Variants in CGB1 observed in about 807,000 individuals in gnomAD.
CGB1 encodes the protein chorionic gonadotropin subunit beta 1, also known as choriogonadotropin subunit beta variant 1.
A neutral mutation model predicts 7.0 loss-of-function variants in CGB1; 4 were observed. The observed-to-expected ratio is 0.57, with a 90% confidence interval of 0.28 to 1.31. CGB1 has a LOEUF of 1.31. Ranked by LOEUF, CGB1 falls within the 50% of genes most tolerant of loss-of-function variation. The pLI, the probability that CGB1 is intolerant of heterozygous loss-of-function variation, is 0.10. For synonymous variants in CGB1, 72 were observed against 96.4 expected (o/e 0.75, Z 1.48); for missense variants, 139 against 219.1 (o/e 0.63, Z 2.31).
chr19:49,036,096 C>T (rs2039812867), intron 2 of CGB1, 40 bp downstream of exon 2: 6 of 1,604,544 alleles, frequency 3.7e-6, no homozygotes, highest in Admixed American at 1.7e-5. Context: ...TGGGTCTGGC[C>T]CTGAGGTGGC....
Position 49,035,602 on chromosome 19 carries a change from G to T in CGB1, c.*8C>A, listed in dbSNP as rs757610056. ...GAGAAGCCTTTATTGTGGGAGGATC[G>T]GGGTGTCCTAGGGCCCCGGGAGACG... On this transcript the variant is annotated 3_prime_UTR_variant, in exon 3 of 3. Coordinates refer to ENST00000301407, the MANE Select transcript of CGB1 (RefSeq NM_033377.2). The T allele has an allele frequency of 6.2e-7, 1 of 1,611,742 alleles. No individual in the cohort carries two copies. Among genetic ancestry groups the T allele is most frequent in the African/African-American group, 1.3e-5 (1 of 74,626 alleles).
Position 49,035,654 on chromosome 19 carries a change from G to A in CGB1, c.424C>T (p.Pro142Ser), listed in dbSNP as rs375388018. Residue 142 changes from proline (P) to serine (S), a missense_variant, in exon 3 of 3, where the codon CCT (proline) becomes TCT (serine). By Grantham distance (74) the Pro-to-Ser change is moderately conservative. This residue lies in a region of CGB1 where 44 missense variants were observed against 35.0 expected (regional missense o/e 1.26). Coordinates refer to ENST00000301407, the MANE Select transcript of CGB1 (RefSeq NM_033377.2). The part of the protein sequence containing the change: ...RFQDSSSSKA[P>S]PPSLPSPSRL... ...GATGGACTTGGAAGGCTGGGGGGAG[G>A]GGCCTTTGAGGAAGAGGAGTCCTGG... is the stretch of plus-strand genomic sequence containing the variant. The A allele has an allele frequency of 8.1e-6, 13 of 1,610,958 alleles. No individual in the cohort carries two copies. Among genetic ancestry groups the A allele is most frequent in the African/African-American group, 1.4e-5 (1 of 74,014 alleles).
intron 1 of CGB1, 70 bp downstream of exon 1, chr19:49,036,633 G>A: frequency 6.2e-7 from 1 of 1,613,976 alleles, no homozygotes; most frequent in Non-Finnish European, 8.5e-7. Context: ...GGTGGAAGGT[G>A]CCCAGGGGCC....
chr19:49,036,517 C>A (rs961469022), intron 1 of CGB1, 186 bp downstream of exon 1: 15 of 1,594,666 alleles, frequency 9.4e-6, no homozygotes, highest in African/African-American at 4.0e-5. Context: ...CCCTCAGGAA[C>A]TGACCCACCT....
rs536700356 is a variant in CGB1 at position 49,036,893 on chromosome 19, C to T, written c.-182G>A. ...CAGATGCAGTTCCCCTTCCTCCCTCCAGGGGGCGCCACGGAACGCAGGGCC... is the reference window on the plus strand; with the variant it reads ...CAGATGCAGTTCCCCTTCCTCCCTCTAGGGGGCGCCACGGAACGCAGGGCC... On this transcript the variant is annotated 5_prime_UTR_variant, in exon 1 of 3. Transcript: ENST00000301407. The T allele has an allele frequency of 3.7e-6, 3 of 815,292 alleles. No individual in the cohort carries two copies. The highest frequency in any genetic ancestry group is 3.4e-5 in the African/African-American group (2 of 58,842). The allele number at this position is 815,292 out of a possible 1,614,324, so 50.5% of individuals were successfully genotyped here. A position where few individuals can be genotyped will look rare whatever the true frequency, so the allele number is the denominator to read the frequency against.
rs371352309 is a variant in CGB1, at chr19:49,036,576, G to A, written c.9+127C>T. On this transcript the variant is annotated intron_variant, in intron 1 of 2. Transcript: ENST00000301407. ...CTCCAGAAAGAGGCCTCCTTCCACA[G>A]CTCACACGGGTCTGCCCCTTCTCAT... The A allele has an allele frequency of 2.4e-5, 39 of 1,613,566 alleles. No individual in the cohort carries two copies. The East Asian group carries it at 3.3e-4, about 14-fold the overall frequency.
chr19:49,035,720 C>T lies in CGB1; in HGVS notation c.358G>A (p.Gly120Ser). The change falls in exon 3 of 3, where the codon GGT (glycine) becomes AGT (serine). Residue 120 changes from glycine to serine, a missense_variant. Physicochemically the swap from Gly to Ser is moderately conservative, Grantham distance 56. Transcript: ENST00000301407. ...LCRRSTTDCG[G>S]PKDHPLTCDD... is the part of the protein sequence containing the mutation. Reference sequence around the variant, plus strand: ...CAGGTCAAGGGGTGGTCCTTGGGACCCCCGCAGTCAGTGGTGCTGCGGCGG... The same window carrying T: ...CAGGTCAAGGGGTGGTCCTTGGGACTCCCGCAGTCAGTGGTGCTGCGGCGG... 2.5e-6 allele frequency: 4 copies of T among 1,608,612 alleles called. No homozygotes were observed. Among genetic ancestry groups the T allele is most frequent in the Non-Finnish European group, 3.4e-6 (4 of 1,178,878 alleles).
intron 1 of CGB1, 36 bp from the exon 2 acceptor site, chr19:49,036,339 C>A (rs1442737102): frequency 6.2e-7 from 1 of 1,603,076 alleles, no homozygotes; most frequent in Non-Finnish European, 8.5e-7. Flanking sequence ...GGGTCTGAGA[C>A]TGCAGCCCCC....
chr19:49,036,503 C>T (rs1176376441), intron 1 of CGB1, 200 bp from the exon 2 acceptor site: 22 of 1,577,894 alleles, frequency 1.4e-5, no homozygotes, highest in Middle Eastern at 1.9e-4. Flanking sequence ...ATTTCAGATC[C>T]GCACCCTCAG....
At position 49,036,756 on chromosome 19, in the gene CGB1, GA is replaced by G; in HGVS notation, c.-46del. 6.2e-7 allele frequency: 1 copy of G among 1,613,552 alleles called. No homozygotes were observed. The highest frequency in any genetic ancestry group is 1.3e-5 in the African/African-American group (1 of 75,022). On this transcript the variant is annotated 5_prime_UTR_variant, in exon 1 of 3. An upstream open reading frame in the 5' UTR gains an earlier in-frame stop. Transcript: ENST00000301407. ...ATCTTCCGCAAGCACTGGGAATGTG[GA>G]CATGGAAAGTAAATTGAGTCTCCGT...
Position 49,036,554 on chromosome 19 carries a change from C to T in CGB1, c.9+149G>A, listed in dbSNP as rs541425169. The T allele has an allele frequency of 2.5e-6, 4 of 1,611,130 alleles. No individual in the cohort carries two copies. The East Asian group carries it at 6.7e-5, about 27-fold the overall frequency. On this transcript the variant is annotated intron_variant, in intron 1 of 2. Coordinates refer to ENST00000301407, the MANE Select transcript of CGB1 (RefSeq NM_033377.2). ...AAGCTTACTGGGGGTCACGCTCCTC[C>T]AGAAAGAGGCCTCCTTCCACAGCTC...
At position 49,036,301 on chromosome 19, in the gene CGB1, C is replaced by T. The variant is rs746779481; in HGVS notation, c.12G>A (p.Arg4=). ...TGCTCAGCAGCAGCAACAGCAGCAG[C>T]CTCTGGGGCAAGGACACTGCTTCAC... MSK[R]LLLLLLLSMG... The change falls in exon 2 of 3, where the codon AGG becomes AGA. Residue 4 remains arginine, a splice_region_variant and synonymous_variant. Coordinates refer to ENST00000301407, the MANE Select transcript of CGB1 (RefSeq NM_033377.2). The T allele has an allele frequency of 3.1e-6, 5 of 1,605,764 alleles. No homozygotes were observed. Among genetic ancestry groups the T allele is most frequent in the Non-Finnish European group, 3.4e-6 (4 of 1,179,578 alleles).
At chr19:49,036,611 G>A in intron 1 of CGB1, 92 bp downstream of exon 1, 2 of 1,613,930 alleles carry the variant, frequency 1.2e-6, no homozygotes, top group Non-Finnish European at 1.7e-6. Context: ...TGCCAGTGAT[G>A]GCCTGGAAGG....
At position 49,036,305 on chromosome 19, in the gene CGB1, T is replaced by G; in HGVS notation, c.10-2A>C. 1 of 1,605,434 alleles carries G rather than the reference T, an allele frequency of 6.2e-7. No homozygotes were observed. The highest frequency in any genetic ancestry group is 8.5e-7 in the Non-Finnish European group (1 of 1,179,674). On this transcript the variant is annotated splice_acceptor_variant, in intron 1 of 2. Coordinates refer to ENST00000301407, the MANE Select transcript of CGB1 (RefSeq NM_033377.2). LOFTEE classifies it high-confidence loss of function. Reference sequence around the variant, plus strand: ...CAGCAGCAGCAACAGCAGCAGCCTCTGGGGCAAGGACACTGCTTCACCCGG... The same window carrying G: ...CAGCAGCAGCAACAGCAGCAGCCTCGGGGGCAAGGACACTGCTTCACCCGG...
At chr19:49,036,679 C>T (rs764951320) in intron 1 of CGB1, 24 bp downstream of exon 1, 1 of 1,613,934 alleles carries the variant, frequency 6.2e-7, no homozygotes, top group Non-Finnish European at 8.5e-7. Context: ...ATCTTTGGTG[C>T]CCGGAAATGT....
intron 1 of CGB1, 31 bp from the exon 2 acceptor site, chr19:49,036,334 T>G: frequency 6.2e-7 from 1 of 1,603,330 alleles, no homozygotes; most frequent in Non-Finnish European, 8.5e-7. Context: ...CACCCGGGTC[T>G]GAGACTGCAG....
intron 1 of CGB1, 58 bp from the exon 2 acceptor site, chr19:49,036,361 T>A (rs1476737290): frequency 1.7e-5 from 28 of 1,601,850 alleles, no homozygotes; most frequent in Non-Finnish European, 3.4e-6. Context: ...GTCCTGGCCT[T>A]CCCATCCCGC....
intron 1 of CGB1, 47 bp downstream of exon 1, chr19:49,036,656 C>G (rs775580246): frequency 1.2e-6 from 2 of 1,613,994 alleles, no homozygotes; most frequent in East Asian, 4.5e-5. Context: ...GCAGTCTTTC[C>G]TGGAACATCT....
chr19:49,036,485 A>G (rs1211997090), intron 1 of CGB1, 182 bp from the exon 2 acceptor site: 45 of 1,558,114 alleles, frequency 2.9e-5, no homozygotes, highest in African/African-American at 4.1e-5. Context: ...GACCTGAGAT[A>G]CCCCAACATT....
Sources: allele counts gnomAD v4.1 joint callset, GRCh38; gene constraint gnomAD v4.1.1; regional missense constraint gnomAD v4.1.1; transcripts MANE v1.5; gene names NCBI Gene and HGNC (gene_info 2026-07-23, HGNC 2026-07-21).